The following NEGR1 variants were observed in gnomAD, a reference collection of about 807,000 sequenced individuals.
NEGR1 encodes neuronal growth regulator 1.
A neutral mutation model predicts 40.9 loss-of-function variants in NEGR1; 10 were observed. The observed-to-expected ratio is 0.24, with a 90% CI of 0.15 to 0.42. NEGR1 has a LOEUF of 0.42. Among genes scored for constraint, NEGR1 ranks in the 10% least tolerant of loss-of-function variants. NEGR1 has a pLI of 1.00. For synonymous variants in NEGR1, 185 were observed against 166.8 expected, an observed-to-expected ratio of 1.11 and a Z score of -0.84; for missense variants, 352 against 438.9, an observed-to-expected ratio of 0.80 and a Z score of 1.77.
At chr1:72,115,072 C>T (rs955591762) in intron 1 of NEGR1, among the ~76,000 whole-genome samples, 2 of 151,680 alleles carry the variant, frequency 1.3e-5, no homozygotes, top group Middle Eastern at 3.2e-3. Context: ...GATACTGAAA[C>T]TTTGGTTCAG....
In NEGR1 at chr1:71,571,817, T is replaced by A. The variant is rs577368129; in HGVS notation, c.940+21000A>T. 2.7e-5 allele frequency among the ~76,000 whole-genome samples: 4 copies of A among 146,166 alleles called. No homozygotes were observed. In the East Asian group the frequency reaches 7.9e-4, roughly 29 times the overall value. ...AAAAAAAAAAAAAAAAAATCTGAAATTTGAGCTCATTATGCACAAAGCAGT... is the reference window on the plus strand; with the variant it reads ...AAAAAAAAAAAAAAAAAATCTGAAAATTGAGCTCATTATGCACAAAGCAGT... On this transcript the variant is annotated intron_variant, in intron 6 of 6. Transcript: ENST00000357731.
intron 3 of NEGR1, among the ~76,000 whole-genome samples, chr1:71,726,162 G>T (rs1654668064): frequency 6.6e-6 from 1 of 152,038 alleles, no homozygotes; most frequent in Non-Finnish European, 1.5e-5. Flanking sequence ...GTGTTAGCTG[G>T]AATTTATTTT....
intron 6 of NEGR1, among the ~76,000 whole-genome samples, chr1:71,465,457 C>T (rs565059348): frequency 3.3e-5 from 5 of 152,192 alleles, no homozygotes; most frequent in African/African-American, 1.2e-4. Context: ...ACTGTATCTA[C>T]CCCTAGTCTT....
At chr1:71,717,819 C>G (rs1185199980) in intron 3 of NEGR1, among the ~76,000 whole-genome samples, 2 of 151,998 alleles carry the variant, frequency 1.3e-5, no homozygotes, top group African/African-American at 4.8e-5. Context: ...TCACTGGTAT[C>G]CTTATAAAAA....
intron 1 of NEGR1, among the ~76,000 whole-genome samples, chr1:72,057,526 T>C (rs941991834): frequency 2.6e-5 from 4 of 151,560 alleles, no homozygotes; most frequent in Admixed American, 2.6e-4. Flanking sequence ...CTCAACTTCC[T>C]ACCCACCAGG....
chr1:72,086,177 T>C (rs1648214153), intron 1 of NEGR1, among the ~76,000 whole-genome samples: 1 of 152,150 alleles, frequency 6.6e-6, no homozygotes. Flanking sequence ...ATGAACATAT[T>C]TGAATTACTA....
At chr1:71,422,879 C>T (rs1646406863) in intron 6 of NEGR1, 1 of 152,074 alleles carries the variant, frequency 6.6e-6, no homozygotes, top group Non-Finnish European at 1.5e-5. Context: ...TTATATTGAA[C>T]ATTTTGAGTC....
Position 71,405,392 on chromosome 1 carries a change from G to A in NEGR1, c.*2054C>T, listed in dbSNP as rs1254999964. 6.6e-6 allele frequency: 1 copy of A among 152,210 alleles called. No individual in the cohort carries two copies. Among genetic ancestry groups the A allele is most frequent in the East Asian group, 1.9e-4 (1 of 5,194 alleles). 9.4% of individuals were successfully genotyped at this position (152,210 alleles called of 1,614,324 possible). ...TCTAGTAAGTAGATTATTATGGAGTGTGCCACTTTAAAGCTGCAATACAAA... is the reference window on the plus strand; with the variant it reads ...TCTAGTAAGTAGATTATTATGGAGTATGCCACTTTAAAGCTGCAATACAAA... On this transcript the variant is annotated 3_prime_UTR_variant, in exon 7 of 7. Coordinates refer to ENST00000357731, the MANE Select transcript of NEGR1 (RefSeq NM_173808.3).
chr1:71,674,146 G>T (rs984263778), intron 4 of NEGR1, among the ~76,000 whole-genome samples: 4 of 152,194 alleles, frequency 2.6e-5, no homozygotes, highest in Admixed American at 6.5e-5. Context: ...AGACAAATGA[G>T]TGACCTAGAT....
chr1:72,164,534 G>T (rs913301697), intron 1 of NEGR1, among the ~76,000 whole-genome samples: 5 of 151,846 alleles, frequency 3.3e-5, no homozygotes, highest in Non-Finnish European at 5.9e-5. Flanking sequence ...CCAAACATTT[G>T]TCATTTTACT....
intron 3 of NEGR1, among the ~76,000 whole-genome samples, chr1:71,730,920 GTGTA>G (rs1238924819): frequency 1.5e-4 from 21 of 144,654 alleles, no homozygotes; most frequent in Non-Finnish European, 2.4e-4. Context: ...GTGTGTGTGT[GTGTA>G]TGTAACTTGA....
chr1:71,748,982 C>T lies in NEGR1; in HGVS notation c.535+27190G>A, dbSNP rs188554451. ...CTATGAAATAGGGCTCTTCATAAAT[C>T]AAATAAGATCATAGTATTTTTGTTT... is the stretch of plus-strand genomic sequence containing the variant. On this transcript the variant is annotated intron_variant, in intron 3 of 6. Transcript: ENST00000357731. 6.4e-3 allele frequency among the ~76,000 whole-genome samples: 967 copies of T among 152,190 alleles called. 9 individuals carry two copies. The Middle Eastern group carries it at 0.071, about 11-fold the overall frequency.
At chr1:71,636,363 T>A (rs1300065339) in intron 4 of NEGR1, among the ~76,000 whole-genome samples, 1 of 152,118 alleles carries the variant, frequency 6.6e-6, no homozygotes, top group Non-Finnish European at 1.5e-5. Context: ...CATTTCATTT[T>A]TATGTTATGT....
chr1:71,928,049 CGT>C (rs1491501667), intron 2 of NEGR1, among the ~76,000 whole-genome samples: 2 of 86,200 alleles, frequency 2.3e-5, no homozygotes, highest in Non-Finnish European at 2.2e-5. Context: ...CACACACACA[CGT>C]ATATATATAC....
chr1:72,247,403 T>G, intron 1 of NEGR1, among the ~76,000 whole-genome samples: 1 of 152,202 alleles, frequency 6.6e-6, no homozygotes, highest in Non-Finnish European at 1.5e-5. Flanking sequence ...GAGCATAGGT[T>G]GTTGGAAGCA....
At chr1:72,083,782 T>A (rs77015058) in intron 1 of NEGR1, among the ~76,000 whole-genome samples, 2,224 of 152,096 alleles carry the variant, frequency 0.015, 52 homozygotes, top group African/African-American at 0.051. Context: ...GAGTGGAAAG[T>A]ACAGTGGGTT....
chr1:71,652,820 T>C (rs1407851346), intron 4 of NEGR1, among the ~76,000 whole-genome samples: 15 of 151,956 alleles, frequency 9.9e-5, no homozygotes, highest in Admixed American at 7.9e-4. Flanking sequence ...GCAGAGATCA[T>C]ACTACTGCAT....
At chr1:71,740,273 C>T (rs1206954503) in intron 3 of NEGR1, among the ~76,000 whole-genome samples, 1 of 152,074 alleles carries the variant, frequency 6.6e-6, no homozygotes, top group Non-Finnish European at 1.5e-5. Flanking sequence ...ACAGATAGTT[C>T]TCAGTAAATG....
At chr1:72,005,061 T>A (rs1646595163) in intron 1 of NEGR1, among the ~76,000 whole-genome samples, 1 of 152,138 alleles carries the variant, frequency 6.6e-6, no homozygotes, top group African/African-American at 2.4e-5. Context: ...ACAGTTTGCA[T>A]TTTTGTTAGA....
Sources: gnomAD v4.1 joint callset for allele counts (sites outside exome capture counted in the v4.1 genomes callset) on GRCh38, gnomAD v4.1.1 for gene constraint, MANE v1.5 for transcripts, NCBI Gene and HGNC (gene_info 2026-07-23, HGNC 2026-07-21) for gene names.